HEMK2: variants seen among roughly 807,000 people sequenced by gnomAD.
The protein encoded by HEMK2 is methyltransferase HEMK2.
chr21:28,710,569 T>C, the HEMK2 span, among the ~76,000 whole-genome samples: 1 of 152,202 alleles, frequency 6.6e-6, no homozygotes, highest in Non-Finnish European at 1.5e-5. Context: ...AGCATTTCAG[T>C]GCTGTTTCAT....
the HEMK2 span, among the ~76,000 whole-genome samples, chr21:28,851,003 C>T: frequency 3.7e-4 from 45 of 122,346 alleles, no homozygotes; most frequent in African/African-American, 9.4e-4. Flanking sequence ...CATCTGATAA[C>T]GGAATGATGC....
At chr21:28,608,376 C>G in the HEMK2 span, among the ~76,000 whole-genome samples, 1 of 140,596 alleles carries the variant, frequency 7.1e-6, no homozygotes, top group Non-Finnish European at 1.5e-5. Flanking sequence ...AAGGCTAATA[C>G]GTTTTCAACT....
chr21:28,651,531 G>A, the HEMK2 span, among the ~76,000 whole-genome samples: 1 of 152,084 alleles, frequency 6.6e-6, no homozygotes. Flanking sequence ...CATTGTCTAT[G>A]GATTTTTAAT....
the HEMK2 span, among the ~76,000 whole-genome samples, chr21:28,701,328 C>A: frequency 6.6e-6 from 1 of 151,964 alleles, no homozygotes; most frequent in African/African-American, 2.4e-5. Context: ...TAAAAGGCAT[C>A]CAAATAGGAG....
chr21:28,609,249 C>T, the HEMK2 span, among the ~76,000 whole-genome samples: 1 of 152,130 alleles, frequency 6.6e-6, no homozygotes, highest in African/African-American at 2.4e-5. Context: ...CTCCCCAGTA[C>T]CAGCTTGGAG....
chr21:28,687,906 A>C, the HEMK2 span, among the ~76,000 whole-genome samples: 2 of 152,196 alleles, frequency 1.3e-5, no homozygotes, highest in Admixed American at 6.5e-5. Context: ...TTGACTCTTT[A>C]ATTTTAAGGC....
At chr21:28,791,154 A>T in the HEMK2 span, among the ~76,000 whole-genome samples, 1 of 152,106 alleles carries the variant, frequency 6.6e-6, no homozygotes, top group South Asian at 2.1e-4. Flanking sequence ...CTTTTTTAGA[A>T]TCCCAATTCC....
the HEMK2 span, among the ~76,000 whole-genome samples, chr21:28,827,826 G>C: frequency 1.3e-5 from 2 of 152,070 alleles, no homozygotes; most frequent in African/African-American, 2.4e-5. Flanking sequence ...TTCCTTATTT[G>C]AGTTGATAAT....
At chr21:28,612,891 G>A in the HEMK2 span, among the ~76,000 whole-genome samples, 11 of 152,198 alleles carry the variant, frequency 7.2e-5, no homozygotes, top group East Asian at 1.9e-4. Flanking sequence ...AGTGAAAGAC[G>A]TCTACAGGGA....
At chr21:28,869,680 T>C in the HEMK2 span, among the ~76,000 whole-genome samples, 1 of 152,224 alleles carries the variant, frequency 6.6e-6, no homozygotes, top group African/African-American at 2.4e-5. Context: ...ACTGTGATGG[T>C]GGCACAAAAC....
chr21:28,747,144 T>C, the HEMK2 span, among the ~76,000 whole-genome samples: 1 of 152,194 alleles, frequency 6.6e-6, no homozygotes, highest in African/African-American at 2.4e-5. Context: ...ATGTTTTCAA[T>C]GTGGAACAGA....
At chr21:28,631,069 A>T in the HEMK2 span, among the ~76,000 whole-genome samples, 1 of 152,186 alleles carries the variant, frequency 6.6e-6, no homozygotes, top group Non-Finnish European at 1.5e-5. Flanking sequence ...CTCTCTCACC[A>T]ACTTCAATGG....
At chr21:28,756,852 A>T in the HEMK2 span, among the ~76,000 whole-genome samples, 1 of 152,218 alleles carries the variant, frequency 6.6e-6, no homozygotes, top group Non-Finnish European at 1.5e-5. Context: ...GCATCTAGAC[A>T]ATGTTCTGAC....
chr21:28,689,059 T>C, the HEMK2 span, among the ~76,000 whole-genome samples: 2 of 152,166 alleles, frequency 1.3e-5, no homozygotes, highest in African/African-American at 4.8e-5. Context: ...CACCCCGGTG[T>C]AGATAAAGTA....
At chr21:28,838,205 C>T in the HEMK2 span, among the ~76,000 whole-genome samples, 3 of 152,076 alleles carry the variant, frequency 2.0e-5, no homozygotes, top group East Asian at 5.8e-4. Context: ...GGCAGCATTA[C>T]CCTAATGCCA....
chr21:28,650,155 G>A, the HEMK2 span, among the ~76,000 whole-genome samples: 1 of 152,174 alleles, frequency 6.6e-6, no homozygotes, highest in East Asian at 1.9e-4. Flanking sequence ...CCAGCACTTT[G>A]GGAGTCCAAG....
At chr21:28,602,078 T>A in the HEMK2 span, among the ~76,000 whole-genome samples, 1 of 152,196 alleles carries the variant, frequency 6.6e-6, no homozygotes, top group African/African-American at 2.4e-5. Context: ...TTCGGCTTCC[T>A]AAACAAGAAA....
the HEMK2 span, among the ~76,000 whole-genome samples, chr21:28,773,284 T>A: frequency 1.3e-5 from 2 of 152,156 alleles, no homozygotes; most frequent in African/African-American, 4.8e-5. Context: ...AGCTAATAAT[T>A]AATTAAAGTA....
chr21:28,610,153 G>A, the HEMK2 span, among the ~76,000 whole-genome samples: 1 of 152,110 alleles, frequency 6.6e-6, no homozygotes, highest in Non-Finnish European at 1.5e-5. Flanking sequence ...AGAGCTGTGA[G>A]GCAAAAGCAT....
Sources: allele counts gnomAD v4.1 joint callset (sites outside exome capture counted in the v4.1 genomes callset), GRCh38; gene constraint gnomAD v4.1.1; transcripts MANE v1.5; gene names NCBI Gene and HGNC (gene_info 2026-07-23, HGNC 2026-07-21).